GPHN: variants seen among roughly 807,000 people sequenced by gnomAD.
GPHN encodes gephyrin.
GPHN carries 17 observed loss-of-function variants against 95.5 expected under a neutral mutation model. The observed-to-expected ratio is 0.18, with a 90% confidence interval of 0.12 to 0.27. GPHN has a LOEUF of 0.27. Among genes scored for constraint, GPHN ranks in the 10% least tolerant of loss-of-function variants. The pLI, the probability that GPHN is intolerant of heterozygous loss-of-function variation, is 1.00. For missense variants in GPHN, 660 were observed against 978.1 expected (o/e 0.67, Z 4.34); for synonymous variants, 320 against 322.5 (o/e 0.99, Z 0.08).
At chr14:67,700,927 G>GGCAGGAGAATCACTTGA in the GPHN span, among the ~76,000 whole-genome samples, 1 of 150,442 alleles carries the variant, frequency 6.6e-6, no homozygotes, top group East Asian at 2.0e-4. Flanking sequence ...CGGAGGCTGA[G>GGCAGGAGAATCACTTGA]GCAGGAGAAT....
intron 8 of GPHN, among the ~76,000 whole-genome samples, chr14:66,931,367 C>T (rs540846265): frequency 1.4e-4 from 22 of 152,152 alleles, no homozygotes; most frequent in South Asian, 8.3e-4. Context: ...CTGTAGCCTT[C>T]GTGTACTTGA....
chr14:67,005,868 G>A (rs1020480394), intron 9 of GPHN, among the ~76,000 whole-genome samples: 6 of 151,540 alleles, frequency 4.0e-5, no homozygotes, highest in East Asian at 1.9e-4. Context: ...ACAGTTGGAT[G>A]TGGATTTTAC....
intron 1 of GPHN, among the ~76,000 whole-genome samples, chr14:66,671,176 C>T (rs2066287415): frequency 6.6e-6 from 1 of 152,156 alleles, no homozygotes. Context: ...GATCCATTAT[C>T]TTGATTTAAC....
chr14:66,520,829 T>A (rs939457713), intron 1 of GPHN, among the ~76,000 whole-genome samples: 1 of 151,990 alleles, frequency 6.6e-6, no homozygotes, highest in African/African-American at 2.4e-5. Context: ...TGGTACCCAA[T>A]AGTTATTTTT....
chr14:66,817,529 T>A (rs904930401), intron 3 of GPHN, among the ~76,000 whole-genome samples: 47 of 152,174 alleles, frequency 3.1e-4, no homozygotes, highest in African/African-American at 1.1e-3. Flanking sequence ...CACCACAAAA[T>A]GTGGTGGCTT....
At chr14:67,593,991 G>A in the GPHN span, 18 of 1,402,444 alleles carry the variant, frequency 1.3e-5, no homozygotes, top group Non-Finnish European at 1.8e-5. Flanking sequence ...AGATTACCAA[G>A]TGGTACCAGT....
At chr14:67,162,478 G>A (rs1310637831) in intron 19 of GPHN, among the ~76,000 whole-genome samples, 2 of 152,180 alleles carry the variant, frequency 1.3e-5, no homozygotes, top group Non-Finnish European at 2.9e-5. Flanking sequence ...CCACGTAACA[G>A]TGCTTTCAGA....
At position 67,168,943 on chromosome 14, in the gene GPHN, A is replaced by G. The variant is rs981625191; in HGVS notation, c.1986A>G (p.Val662=). 6.2e-7 allele frequency: 1 copy of G among 1,608,104 alleles called. No individual in the cohort carries two copies. ...KIIFALPGNP[V]SAVVTCNLFV... is the part of the protein sequence containing the mutation. ...TTGGTTGACTTTCAGGGAATCCTGT[A>G]TCGGCTGTGGTCACCTGCAATCTCT... Residue 662 remains valine (V), a synonymous_variant, in exon 21 of 23, where the codon GTA becomes GTG. Transcript: ENST00000478722.
intron 1 of GPHN, among the ~76,000 whole-genome samples, chr14:66,641,335 T>G (rs561362485): frequency 6.6e-6 from 1 of 152,238 alleles, no homozygotes; most frequent in South Asian, 2.1e-4. Context: ...GTCATGAGGG[T>G]AAATAACCAA....
At chr14:66,957,440 C>T (rs1292061146) in intron 8 of GPHN, among the ~76,000 whole-genome samples, 1 of 151,934 alleles carries the variant, frequency 6.6e-6, no homozygotes, top group East Asian at 1.9e-4. Context: ...AGGTGATCCA[C>T]CCACCTCGGC....
chr14:67,071,657 A>T (rs946890809), intron 11 of GPHN, among the ~76,000 whole-genome samples: 1 of 151,484 alleles, frequency 6.6e-6, no homozygotes, highest in African/African-American at 2.4e-5. Flanking sequence ...ATTTAAATTT[A>T]AAAAAAAATC....
rs552111673 is a variant in GPHN at position 66,958,084 on chromosome 14, C to T, written c.829-7107C>T. ...GTACTTGTTGATCTAACTAGTTATT[C>T]TAACTATTATTAAAAGTGGAATATT... On this transcript the variant is annotated intron_variant, in intron 8 of 22. Coordinates refer to ENST00000478722, the MANE Select transcript of GPHN (RefSeq NM_020806.5). 2.4e-3 allele frequency among the ~76,000 whole-genome samples: 368 copies of T among 152,242 alleles called. 4 individuals carry two copies. Among genetic ancestry groups the T allele is most frequent in the African/African-American group, 8.3e-3 (346 of 41,542 alleles).
intron 11 of GPHN, among the ~76,000 whole-genome samples, chr14:67,068,702 C>T (rs1206403621): frequency 6.6e-6 from 1 of 152,104 alleles, no homozygotes; most frequent in African/African-American, 2.4e-5. Flanking sequence ...GTGTCTCTGA[C>T]CTAGGTTCTC....
the GPHN span, among the ~76,000 whole-genome samples, chr14:67,250,393 G>T: frequency 1.3e-5 from 2 of 152,260 alleles, no homozygotes; most frequent in East Asian, 3.9e-4. Flanking sequence ...AAAAAATCTG[G>T]AAGAAAATAA....
At chr14:67,477,422 T>C in the GPHN span, among the ~76,000 whole-genome samples, 2 of 152,194 alleles carry the variant, frequency 1.3e-5, no homozygotes, top group African/African-American at 4.8e-5. Context: ...ATCTCTTTCA[T>C]TCCCCCAGGT....
At chr14:67,314,832 T>C in the GPHN span, among the ~76,000 whole-genome samples, 1 of 152,246 alleles carries the variant, frequency 6.6e-6, no homozygotes, top group Admixed American at 6.5e-5. Flanking sequence ...GGCTCACACC[T>C]GTAATCCCAG....
At chr14:67,686,853 G>C in the GPHN span, among the ~76,000 whole-genome samples, 1 of 152,234 alleles carries the variant, frequency 6.6e-6, no homozygotes, top group Non-Finnish European at 1.5e-5. Context: ...GCTGCCAAAT[G>C]AGTTTTGGTG....
intron 4 of GPHN, among the ~76,000 whole-genome samples, chr14:66,835,022 G>C (rs1365509973): frequency 6.7e-6 from 1 of 148,956 alleles, no homozygotes; most frequent in African/African-American, 2.5e-5. Flanking sequence ...ATTTCTTCTA[G>C]ATTTTCTAGT....
At chr14:67,393,985 G>A in the GPHN span, among the ~76,000 whole-genome samples, 1 of 152,150 alleles carries the variant, frequency 6.6e-6, no homozygotes, top group Non-Finnish European at 1.5e-5. Context: ...CTGTTTGTAA[G>A]TCCCTATTAA....
Sources: allele counts gnomAD v4.1 joint callset (sites outside exome capture counted in the v4.1 genomes callset), GRCh38; gene constraint gnomAD v4.1.1; transcripts MANE v1.5; gene names NCBI Gene and HGNC (gene_info 2026-07-23, HGNC 2026-07-21).